The following LRRC37A2 variants were observed in gnomAD, a reference collection of about 807,000 sequenced individuals.
LRRC37A2 encodes the protein leucine-rich repeat-containing protein 37A2.
Under a neutral mutation model 68.8 loss-of-function variants are expected in LRRC37A2, and 9 were observed. The observed-to-expected ratio is 0.13, with a 90% CI of 0.08 to 0.23. The LOEUF is 0.23. Among genes scored for constraint, LRRC37A2 ranks in the 10% least tolerant of loss-of-function variants. LRRC37A2 has a pLI of 1.00. For missense variants in LRRC37A2, 168 were observed against 950.4 expected, an observed-to-expected ratio of 0.18 and a Z score of 10.82; for synonymous variants, 63 against 367.6, an observed-to-expected ratio of 0.17 and a Z score of 9.48.
At chr17:46,703,701 A>C in the LRRC37A2 span, among the ~76,000 whole-genome samples, 4 of 148,594 alleles carry the variant, frequency 2.7e-5, 1 homozygote, top group African/African-American at 1.0e-4. Flanking sequence ...AAAAAAAAAA[A>C]AAACAAAAAA....
the LRRC37A2 span, among the ~76,000 whole-genome samples, chr17:46,801,277 C>A: frequency 6.6e-6 from 1 of 152,174 alleles, no homozygotes. Flanking sequence ...GAGTATACAA[C>A]AACACAGTCA....
the LRRC37A2 span, among the ~76,000 whole-genome samples, chr17:46,848,357 C>T: frequency 2.0e-5 from 3 of 152,208 alleles, 1 homozygote; most frequent in South Asian, 4.1e-4. Flanking sequence ...AAGCTGAAAA[C>T]AACACTTGTT....
At chr17:46,834,096 G>C in the LRRC37A2 span, among the ~76,000 whole-genome samples, 1 of 152,168 alleles carries the variant, frequency 6.6e-6, no homozygotes, top group Non-Finnish European at 1.5e-5. Context: ...TCGGGAGGCT[G>C]AGGGGAGAGG....
the LRRC37A2 span, among the ~76,000 whole-genome samples, chr17:46,377,815 G>A: frequency 1.6e-5 from 1 of 61,004 alleles, no homozygotes; most frequent in Admixed American, 1.5e-4. Flanking sequence ...TGATCCACCC[G>A]CCTTGGCCTC....
At chr17:47,001,232 G>A in the LRRC37A2 span, among the ~76,000 whole-genome samples, 2 of 152,162 alleles carry the variant, frequency 1.3e-5, no homozygotes, top group Non-Finnish European at 2.9e-5. Flanking sequence ...CACCTCCCAG[G>A]ATAGGGAGCA....
chr17:46,976,440 C>T, the LRRC37A2 span, among the ~76,000 whole-genome samples: 6 of 151,638 alleles, frequency 4.0e-5, no homozygotes, highest in Non-Finnish European at 8.8e-5. Flanking sequence ...CCAGCTATTC[C>T]GGAGGCTGAG....
At chr17:46,722,235 A>G in the LRRC37A2 span, 2 of 1,238,294 alleles carry the variant, frequency 1.6e-6, no homozygotes, top group Non-Finnish European at 2.4e-6. Context: ...GAGCACGTCA[A>G]AATCCCTACA....
chr17:46,796,689 A>C, the LRRC37A2 span, among the ~76,000 whole-genome samples: 1 of 152,238 alleles, frequency 6.6e-6, no homozygotes, highest in Non-Finnish European at 1.5e-5. Flanking sequence ...ATGATTCACC[A>C]GCCAGACAGC....
chr17:47,024,420 C>A, the LRRC37A2 span, among the ~76,000 whole-genome samples: 5 of 151,950 alleles, frequency 3.3e-5, no homozygotes, highest in Non-Finnish European at 5.9e-5. Flanking sequence ...GTGATCTAGA[C>A]AGGAGGCATG....
the LRRC37A2 span, chr17:46,931,898 G>A: frequency 4.4e-6 from 3 of 679,410 alleles, no homozygotes; most frequent in Non-Finnish European, 7.9e-6. Flanking sequence ...GTTTCTTCTT[G>A]ACTTTCAACA....
the LRRC37A2 span, chr17:47,019,629 G>A: frequency 6.3e-4 from 905 of 1,437,678 alleles, 6 homozygotes; most frequent in Middle Eastern, 4.0e-3. Flanking sequence ...TTACATCCAA[G>A]ATAAGGCTTT....
the LRRC37A2 span, among the ~76,000 whole-genome samples, chr17:46,497,505 C>G: frequency 7.0e-5 from 10 of 142,764 alleles, no homozygotes; most frequent in Non-Finnish European, 3.0e-5. Flanking sequence ...AACCTACCTA[C>G]TTAGAGTTAG....
the LRRC37A2 span, chr17:46,922,857 C>A: frequency 2.4e-6 from 1 of 409,138 alleles, no homozygotes; most frequent in South Asian, 3.1e-5. Flanking sequence ...AGCGGCTCGC[C>A]TTCAACTTTG....
At chr17:46,903,393 G>A in the LRRC37A2 span, among the ~76,000 whole-genome samples, 7 of 152,140 alleles carry the variant, frequency 4.6e-5, no homozygotes, top group African/African-American at 1.7e-4. Flanking sequence ...AGCTGAACTG[G>A]CAGGCACTTG....
the LRRC37A2 span, among the ~76,000 whole-genome samples, chr17:46,778,522 G>A: frequency 2.6e-5 from 4 of 152,022 alleles, no homozygotes; most frequent in South Asian, 2.1e-4. Flanking sequence ...AAACATGCCC[G>A]GCCACCCCCA....
chr17:47,021,838 G>T, the LRRC37A2 span: 1 of 1,473,774 alleles, frequency 6.8e-7, no homozygotes, highest in Non-Finnish European at 9.5e-7. Context: ...TATAAACTGT[G>T]TTTCTTCACA....
At chr17:46,730,227 C>T in the LRRC37A2 span, among the ~76,000 whole-genome samples, 1 of 152,092 alleles carries the variant, frequency 6.6e-6, no homozygotes, top group Non-Finnish European at 1.5e-5. Context: ...CACAAAAAAA[C>T]TTTATGTCAG....
the LRRC37A2 span, among the ~76,000 whole-genome samples, chr17:46,901,726 G>A: frequency 6.6e-6 from 1 of 152,026 alleles, no homozygotes; most frequent in Admixed American, 6.5e-5. Flanking sequence ...AGGCAATTGA[G>A]TCACCTGCAA....
the LRRC37A2 span, among the ~76,000 whole-genome samples, chr17:46,767,582 A>G: frequency 2.0e-5 from 3 of 152,164 alleles, no homozygotes; most frequent in Non-Finnish European, 2.9e-5. Flanking sequence ...AGGCCCAGAA[A>G]AGTGAAAGAA....
Sources: allele counts gnomAD v4.1 joint callset (sites outside exome capture counted in the v4.1 genomes callset), GRCh38; gene constraint gnomAD v4.1.1; transcripts MANE v1.5; gene names NCBI Gene and HGNC (gene_info 2026-07-23, HGNC 2026-07-21).